Variants in FTO observed in about 807,000 individuals in gnomAD.
FTO encodes the protein FTO alpha-ketoglutarate dependent dioxygenase, also known as alpha-ketoglutarate-dependent dioxygenase FTO.
In FTO, 47 loss-of-function variants were observed where a neutral mutation model predicts 63.9. The ratio of observed to expected loss-of-function variants is 0.74; its 90% CI spans 0.58 to 0.94. FTO has a LOEUF of 0.94. Among genes scored for constraint, FTO ranks in the 40% least tolerant of loss-of-function variants. The pLI is 0.00. For missense variants in FTO, 562 were observed against 618.1 expected, an observed-to-expected ratio of 0.91 and a Z score of 0.96; for synonymous variants, 207 against 224.4, an observed-to-expected ratio of 0.92 and a Z score of 0.69.
intron 3 of FTO, among the ~76,000 whole-genome samples, chr16:53,835,951 C>T (rs1374635924): frequency 6.8e-6 from 1 of 147,176 alleles, no homozygotes; most frequent in East Asian, 2.0e-4. Context: ...TGTGCAATGG[C>T]ACAATCTCAG....
Position 53,950,155 on chromosome 16 carries a change from T to TAAAAAAAAAAAAAAAAA in FTO, c.1364+16054_1364+16070dup, listed in dbSNP as rs57925273. On this transcript the variant is annotated intron_variant, in intron 8 of 8. Transcript: ENST00000471389. ...GGAAAAAAAAAGATATTCACATTTG[T>TAAAAAAAAAAAAAAAAA]AAAAAAAAAAAAAAAAAAAAAAAAC... 6.7e-4 allele frequency among the ~76,000 whole-genome samples: 34 copies of TAAAAAAAAAAAAAAAAA among 50,618 alleles called. 2 individuals are homozygous for TAAAAAAAAAAAAAAAAA. The highest frequency in any genetic ancestry group is 1.2e-3 in the Non-Finnish European group (27 of 22,572). The allele number at this position is 50,618 out of a possible 152,430, so 33.2% of individuals were successfully genotyped here. A position where few individuals can be genotyped will look rare whatever the true frequency, so the allele number is the denominator to read the frequency against.
At chr16:53,930,285 G>A (rs1393016934) in intron 7 of FTO, among the ~76,000 whole-genome samples, 6 of 134,184 alleles carry the variant, frequency 4.5e-5, no homozygotes, top group East Asian at 2.2e-4. Flanking sequence ...GTGAAGTGGC[G>A]CGATCTTGGC....
intron 1 of FTO, among the ~76,000 whole-genome samples, chr16:53,781,596 C>G (rs1292669871): frequency 6.6e-6 from 1 of 152,186 alleles, no homozygotes; most frequent in Admixed American, 6.5e-5. Context: ...GACAGGATCC[C>G]TAAAGTCATC....
chr16:53,873,492 ATATAAG>A (rs2080559725), intron 4 of FTO, among the ~76,000 whole-genome samples: 1 of 149,384 alleles, frequency 6.7e-6, no homozygotes, highest in Non-Finnish European at 1.5e-5. Flanking sequence ...GTATAAGTAT[ATATAAG>A]TATATCATAT....
At chr16:53,884,882 T>C (rs77289909) in intron 6 of FTO, among the ~76,000 whole-genome samples, 4,928 of 152,282 alleles carry the variant, frequency 0.032, 91 homozygotes, top group Middle Eastern at 0.054. Flanking sequence ...TGCAGGTTGT[T>C]TCCCTGCTAT....
chr16:54,005,467 G>T (rs1235728580), intron 8 of FTO, among the ~76,000 whole-genome samples: 1 of 150,672 alleles, frequency 6.6e-6, no homozygotes, highest in African/African-American at 2.4e-5. Context: ...ACTTATCCTA[G>T]TATATTAATG....
chr16:53,852,976 G>A (rs1455259560), intron 4 of FTO, among the ~76,000 whole-genome samples: 1 of 152,104 alleles, frequency 6.6e-6, no homozygotes, highest in Admixed American at 6.5e-5. Flanking sequence ...CTTCTCATTG[G>A]ACACCTTTGC....
rs146892848 is a variant in FTO at position 53,894,470 on chromosome 16, T to C, written c.1239+5519T>C. Among the ~76,000 whole-genome samples the C allele has an allele frequency of 5.9e-5, 9 of 152,354 alleles. No homozygotes were observed. The South Asian group carries it at 1.0e-3, about 18-fold the overall frequency. On this transcript the variant is annotated intron_variant, in intron 7 of 8. Transcript: ENST00000471389. The stretch of plus-strand genomic sequence containing the variant: ...CTGCTTTTTCATTTACTGAAATTTT[T>C]ACTGAGTATACTGGTATTTGCTATT...
chr16:53,734,454 C>T (rs1047621715), intron 1 of FTO, among the ~76,000 whole-genome samples: 2 of 152,192 alleles, frequency 1.3e-5, no homozygotes, highest in African/African-American at 2.4e-5. Flanking sequence ...AAAAGTATAG[C>T]GTTCACCTGA....
chr16:53,733,807 A>C (rs2076327283), intron 1 of FTO, among the ~76,000 whole-genome samples: 1 of 152,240 alleles, frequency 6.6e-6, no homozygotes, highest in African/African-American at 2.4e-5. Context: ...AAAGAACATT[A>C]TATAAGGATT....
chr16:53,748,911 A>G (rs1343361135), intron 1 of FTO, among the ~76,000 whole-genome samples: 1 of 151,636 alleles, frequency 6.6e-6, no homozygotes, highest in Admixed American at 6.6e-5. Context: ...CTACAGGTAC[A>G]TGCCACCGTG....
At chr16:53,999,068 G>A (rs2084008385) in intron 8 of FTO, among the ~76,000 whole-genome samples, 1 of 152,090 alleles carries the variant, frequency 6.6e-6, no homozygotes, top group Non-Finnish European at 1.5e-5. Context: ...GAATGTTTAG[G>A]GTCCCAGGTC....
intron 1 of FTO, among the ~76,000 whole-genome samples, chr16:53,725,693 T>G (rs1380978919): frequency 1.3e-5 from 2 of 152,204 alleles, no homozygotes; most frequent in African/African-American, 4.8e-5. Context: ...CTTTGTTCCT[T>G]GTAGATGATG....
chr16:53,711,355 G>A, intron 1 of FTO: 1 of 398,388 alleles, frequency 2.5e-6, no homozygotes. Context: ...GTGTTCTGTG[G>A]TTCAGATAAG....
intron 8 of FTO, among the ~76,000 whole-genome samples, chr16:54,023,363 G>A (rs1423085515): frequency 6.6e-6 from 1 of 152,194 alleles, no homozygotes; most frequent in Non-Finnish European, 1.5e-5. Context: ...CTGATGGCCG[G>A]TAGAGCAGTT....
intron 8 of FTO, among the ~76,000 whole-genome samples, chr16:54,107,068 G>C (rs2086772478): frequency 6.9e-6 from 1 of 145,870 alleles, no homozygotes; most frequent in South Asian, 2.1e-4. Context: ...TAAAATATTT[G>C]TATTTATTAT....
intron 8 of FTO, among the ~76,000 whole-genome samples, chr16:54,032,181 G>A (rs1489644247): frequency 6.6e-6 from 1 of 152,196 alleles, no homozygotes; most frequent in Non-Finnish European, 1.5e-5. Flanking sequence ...CTAGAGAAAA[G>A]CATTGTTCCT....
intron 8 of FTO, among the ~76,000 whole-genome samples, chr16:54,007,658 G>C (rs767859680): frequency 6.6e-6 from 1 of 152,198 alleles, no homozygotes; most frequent in Non-Finnish European, 1.5e-5. Flanking sequence ...GGCCCCAGTG[G>C]CGTGGAGATA....
chr16:53,835,386 A>C (rs1443181448), intron 3 of FTO, among the ~76,000 whole-genome samples: 1 of 152,190 alleles, frequency 6.6e-6, no homozygotes, highest in Non-Finnish European at 1.5e-5. Flanking sequence ...TGTTTTCTTC[A>C]GAAAGATGCT....
Sources: allele counts gnomAD v4.1 joint callset (sites outside exome capture counted in the v4.1 genomes callset), GRCh38; gene constraint gnomAD v4.1.1; transcripts MANE v1.5; gene names NCBI Gene and HGNC (gene_info 2026-07-23, HGNC 2026-07-21).